Variants in KRTAP10-3 observed in about 807,000 individuals in gnomAD.
KRTAP10-3 encodes the protein keratin associated protein 10-3, also known as keratin-associated protein 10-3.
For missense variants in KRTAP10-3, 341 were observed against 293.4 expected (o/e 1.16, Z -1.19); for synonymous variants, 151 against 126.2 (o/e 1.20, Z -1.32).
rs150777153 is a variant in KRTAP10-3 at position 44,557,916 on chromosome 21, A to C, written c.*134T>G. The C allele has an allele frequency of 3.8e-3, 4,092 of 1,083,454 alleles. 10 individuals carry two copies. Among genetic ancestry groups the C allele is most frequent in the Non-Finnish European group, 4.8e-3 (3,680 of 759,772 alleles). 67.1% of individuals were successfully genotyped at this position (1,083,454 alleles called of 1,614,324 possible). A position where few individuals can be genotyped will look rare whatever the true frequency, so the allele number is the denominator to read the frequency against. ...AGATGCATGCCTGGAGGGAATCGGC[A>C]TGAAAGCTCAGCATTGCTGGCTGGA... On this transcript the variant is annotated 3_prime_UTR_variant, in exon 1 of 1. Transcript: ENST00000391620.
At position 44,558,045 on chromosome 21, in the gene KRTAP10-3, G is replaced by A. The variant is rs199562970; in HGVS notation, c.*5C>T. On this transcript the variant is annotated 3_prime_UTR_variant, in exon 1 of 1. Transcript: ENST00000391620. ...GAACAACTCTGGAGAAACGGGACCT[G>A]CCCGTCAGCAGCTGGACTTCTGGCC... 1.5e-5 allele frequency: 24 copies of A among 1,598,170 alleles called. No individual in the cohort carries two copies. The East Asian group carries it at 4.9e-4, about 33-fold the overall frequency.
At position 44,558,432 on chromosome 21, in the gene KRTAP10-3, C is replaced by T. The variant is rs2053578703; in HGVS notation, c.284G>A (p.Cys95Tyr). ...CQPACCTSSP[C>Y]QQACCVPVCC... is the part of the protein sequence containing the mutation. ...GACAGGCACGCAGCAGGCCTGCTGG[C>T]AGGGGGAGGATGTGCAGCAAGCTGG... Residue 95 changes from cysteine (C) to tyrosine (Y), a missense_variant, in exon 1 of 1, where the codon TGC (cysteine) becomes TAC (tyrosine). Physicochemically the swap from Cys to Tyr is radical, Grantham distance 194. Coordinates refer to ENST00000391620, the MANE Select transcript of KRTAP10-3 (RefSeq NM_198696.3). 1 of 1,613,958 alleles carries T rather than the reference C, an allele frequency of 6.2e-7. No individual in the cohort carries two copies. Among genetic ancestry groups the T allele is most frequent in the African/African-American group, 1.3e-5 (1 of 74,914 alleles).
chr21:44,558,697 A>G lies in KRTAP10-3; in HGVS notation c.19T>C (p.Ser7Pro), dbSNP rs373513174. The G allele has an allele frequency of 5.7e-5, 92 of 1,606,750 alleles. No individual in the cohort carries two copies. The highest frequency in any genetic ancestry group is 7.7e-5 in the Non-Finnish European group (91 of 1,176,272). ...TCAGAGTAAGCGCTGGAGCAGACGG[A>G]CATGGTAGACGTGGCCATGCTGGGG... MATSTM[S>P]VCSSAYSDSW... Residue 7 changes from serine (S) to proline (P), a missense_variant, in exon 1 of 1, where the codon TCC becomes CCC. Physicochemically the swap from Ser to Pro is moderately conservative, Grantham distance 74. Transcript: ENST00000391620.
chr21:44,558,287 C>T lies in KRTAP10-3; in HGVS notation c.429G>A (p.Gln143=). The T allele has an allele frequency of 1.9e-6, 3 of 1,614,130 alleles. No homozygotes were observed. Among genetic ancestry groups the T allele is most frequent in the Non-Finnish European group, 2.5e-6 (3 of 1,180,002 alleles). ...AGCAGGAGGTGGTGCAGCAAGCCGG[C>T]TGGCGGCTAGACTGCTGGCAGCATG... ...SSSCCQQSSR[Q]PACCTTSCCR... Residue 143 remains glutamine, a synonymous_variant, in exon 1 of 1, where the codon CAG becomes CAA. Transcript: ENST00000391620.
chr21:44,557,831 T>C lies in KRTAP10-3; in HGVS notation c.*219A>G, dbSNP rs2053558575. On this transcript the variant is annotated 3_prime_UTR_variant, in exon 1 of 1. Coordinates refer to ENST00000391620, the MANE Select transcript of KRTAP10-3 (RefSeq NM_198696.3). ...CTTTATTTGTTGACAGACTGATCACTCACATGGGGCAGGACACAGTGACCA... is the reference window on the plus strand; with the variant it reads ...CTTTATTTGTTGACAGACTGATCACCCACATGGGGCAGGACACAGTGACCA... The C allele has an allele frequency of 1.6e-6, 1 of 609,686 alleles. No individual in the cohort carries two copies. The highest frequency in any genetic ancestry group is 2.8e-5 in the East Asian group (1 of 36,122). 37.8% of individuals were successfully genotyped at this position (609,686 alleles called of 1,614,324 possible). A position where few individuals can be genotyped will look rare whatever the true frequency, so the allele number is the denominator to read the frequency against.
At position 44,558,048 on chromosome 21, in the gene KRTAP10-3, C is replaced by T. The variant is rs587692007; in HGVS notation, c.*2G>A. On this transcript the variant is annotated 3_prime_UTR_variant, in exon 1 of 1. Coordinates refer to ENST00000391620, the MANE Select transcript of KRTAP10-3 (RefSeq NM_198696.3). ...CAACTCTGGAGAAACGGGACCTGCC[C>T]GTCAGCAGCTGGACTTCTGGCCTGA... 1.7e-5 allele frequency: 27 copies of T among 1,600,036 alleles called. No individual in the cohort carries two copies. Among genetic ancestry groups the T allele is most frequent in the African/African-American group, 1.5e-4 (11 of 74,892 alleles).
At position 44,558,231 on chromosome 21, in the gene KRTAP10-3, C is replaced by T; in HGVS notation, c.485G>A (p.Cys162Tyr). ...CRPSSSVSLL[C>Y]RPVCRSTCCV... ...GCAGGTGGACCTGCACACGGGGCGGCAGAGGAGGGACACGGAGGAGGAGGG... is the reference window on the plus strand; with the variant it reads ...GCAGGTGGACCTGCACACGGGGCGGTAGAGGAGGGACACGGAGGAGGAGGG... Residue 162 changes from cysteine to tyrosine, a missense_variant, in exon 1 of 1, where the codon TGC becomes TAC. By Grantham distance (194) the Cys-to-Tyr change is radical. Coordinates refer to ENST00000391620, the MANE Select transcript of KRTAP10-3 (RefSeq NM_198696.3). The T allele has an allele frequency of 6.2e-7, 1 of 1,613,194 alleles. No homozygotes were observed. The highest frequency in any genetic ancestry group is 1.1e-5 in the South Asian group (1 of 91,046).
In KRTAP10-3 at chr21:44,558,650, G is replaced by C. The variant is rs782713383; in HGVS notation, c.66C>G (p.Cys22Trp). The part of the protein sequence containing the change: ...AYSDSWQVDA[C>W]PESCCEPPCC... ...AGGGGGGCTCACAGCAGCTCTCTGG[G>C]CAGGCGTCCACCTGCCAGGAGTCAG... is the stretch of plus-strand genomic sequence containing the variant. Residue 22 changes from cysteine to tryptophan, a missense_variant, in exon 1 of 1, where the codon TGC becomes TGG. Cys to Trp is a radical substitution (Grantham distance 215). Coordinates refer to ENST00000391620, the MANE Select transcript of KRTAP10-3 (RefSeq NM_198696.3). 1.2e-6 allele frequency: 2 copies of C among 1,613,288 alleles called. No homozygotes were observed. The highest frequency in any genetic ancestry group is 2.2e-5 in the East Asian group (1 of 44,876).
At position 44,558,496 on chromosome 21, in the gene KRTAP10-3, A is replaced by AGCTGGTGCAGCCTGACTGGCAGGG. The variant is rs1192921310; in HGVS notation, c.196_219dup (p.Pro66_Ser73dup). The AGCTGGTGCAGCCTGACTGGCAGGG allele has an allele frequency of 1.9e-6, 3 of 1,613,754 alleles. No homozygotes were observed. The highest frequency in any genetic ancestry group is 1.3e-5 in the African/African-American group (1 of 74,890). Reference sequence around the variant, plus strand: ...TGCTGGCAGCACGAGGGCGTGCAGGAGCTGGTGCAGCCTGACTGGCAGGGG... The same window carrying AGCTGGTGCAGCCTGACTGGCAGGG: ...TGCTGGCAGCACGAGGGCGTGCAGGAGCTGGTGCAGCCTGACTGGCAGGGGCTGGTGCAGCCTGACTGGCAGGGG... On this transcript the variant is annotated inframe_insertion, in exon 1 of 1. Transcript: ENST00000391620.
At position 44,558,601 on chromosome 21, in the gene KRTAP10-3, G is replaced by C. The variant is rs2053583969; in HGVS notation, c.115C>G (p.Pro39Ala). 1 of 1,611,800 alleles carries C rather than the reference G, an allele frequency of 6.2e-7. No homozygotes were observed. Among genetic ancestry groups the C allele is most frequent in the South Asian group, 1.1e-5 (1 of 90,894 alleles). The change falls in exon 1 of 1, where the codon CCG becomes GCG. Residue 39 changes from proline to alanine, a missense_variant. Coordinates refer to ENST00000391620, the MANE Select transcript of KRTAP10-3 (RefSeq NM_198696.3). The stretch of plus-strand genomic sequence containing the variant: ...CAGACCAGGGTCAGGCAGGGGGCCG[G>C]GGCGCAGCAGCTGGTGGCGCAGCAG... ...PPCCATSCCA[P>A]APCLTLVCTP...
At position 44,558,147 on chromosome 21, in the gene KRTAP10-3, C is replaced by T. The variant is rs782784565; in HGVS notation, c.569G>A (p.Arg190His). 2.6e-5 allele frequency: 42 copies of T among 1,612,798 alleles called. No homozygotes were observed. The highest frequency in any genetic ancestry group is 1.8e-4 in the East Asian group (8 of 44,822). Residue 190 changes from arginine (R) to histidine (H), a missense_variant, in exon 1 of 1, where the codon CGC (arginine) becomes CAC (histidine). By Grantham distance (29) the Arg-to-His change is conservative (BLOSUM62 0). Coordinates refer to ENST00000391620, the MANE Select transcript of KRTAP10-3 (RefSeq NM_198696.3). Reference protein sequence around the residue: ...PASTCQPSCCRPASCVSLLCR... With the variant: ...PASTCQPSCCHPASCVSLLCR... ...GAGGAGGGACACGCAGGAGGCCGGG[C>T]GGCAGCAGCTGGGCTGGCAGGTGGA...
Position 44,558,180 on chromosome 21 carries a change from G to C in KRTAP10-3, c.536C>G (p.Ala179Gly). 1.3e-6 allele frequency: 2 copies of C among 1,546,492 alleles called. No homozygotes were observed. Among genetic ancestry groups the C allele is most frequent in the Admixed American group, 3.7e-5 (2 of 54,302 alleles). The change falls in exon 1 of 1, where the codon GCC becomes GGC. Residue 179 changes from alanine to glycine, a missense_variant. By Grantham distance (60) the Ala-to-Gly change is moderately conservative (BLOSUM62 0). Coordinates refer to ENST00000391620, the MANE Select transcript of KRTAP10-3 (RefSeq NM_198696.3). ...TCCVPIPSCC[A>G]PASTCQPSCC... is the part of the protein sequence containing the mutation. ...GCTGGGCTGGCAGGTGGAGGCAGGG[G>C]CACAGCAGGAGGGGATGGGCACACA...
At position 44,558,353 on chromosome 21, in the gene KRTAP10-3, C is replaced by T. The variant is rs375640907; in HGVS notation, c.363G>A (p.Lys121=). The T allele has an allele frequency of 1.2e-6, 2 of 1,612,712 alleles. No homozygotes were observed. The highest frequency in any genetic ancestry group is 1.1e-5 in the South Asian group (1 of 90,956). ...AGCAGACGGGCACACAGCAGATGGGCTTGCAGCAGACAGGCTTGCAGCAGA... is the reference window on the plus strand; with the variant it reads ...AGCAGACGGGCACACAGCAGATGGGTTTGCAGCAGACAGGCTTGCAGCAGA... ...VPVCCKPVCC[K]PICCVPVCSG... The change falls in exon 1 of 1, where the codon AAG becomes AAA. Residue 121 remains lysine, a synonymous_variant. Transcript: ENST00000391620.
In KRTAP10-3 at chr21:44,558,755, G is replaced by A. The variant is rs781980946; in HGVS notation, c.-40C>T. On this transcript the variant is annotated 5_prime_UTR_variant, in exon 1 of 1. Coordinates refer to ENST00000391620, the MANE Select transcript of KRTAP10-3 (RefSeq NM_198696.3). ...GAGGTGAGCTGGGGGAGACGTGAGT[G>A]AGTGAGTGTGGGAGTGAGTGAGGGA... The A allele has an allele frequency of 3.8e-6, 6 of 1,569,540 alleles. No individual in the cohort carries two copies. The Admixed American group carries it at 7.0e-5, about 18-fold the overall frequency.
At position 44,558,331 on chromosome 21, in the gene KRTAP10-3, A is replaced by C. The variant is rs1555920300; in HGVS notation, c.385T>G (p.Cys129Gly). ...CAGCATGAAGAGGAAGCCCCAGAGC[A>C]GACGGGCACACAGCAGATGGGCTTG... ...CCKPICCVPV[C>G]SGASSSCCQQ... The change falls in exon 1 of 1, where the codon TGC (cysteine) becomes GGC (glycine). Residue 129 changes from cysteine (C) to glycine (G), a missense_variant. Coordinates refer to ENST00000391620, the MANE Select transcript of KRTAP10-3 (RefSeq NM_198696.3). The C allele has an allele frequency of 6.2e-7, 1 of 1,613,502 alleles. No homozygotes were observed.
chr21:44,557,880 G>C lies in KRTAP10-3; in HGVS notation c.*170C>G. 1.3e-6 allele frequency: 1 copy of C among 772,942 alleles called. No homozygotes were observed. The highest frequency in any genetic ancestry group is 2.1e-6 in the Non-Finnish European group (1 of 485,344). 47.9% of individuals were successfully genotyped at this position (772,942 alleles called of 1,614,324 possible). Reference sequence around the variant, plus strand: ...CACCGGCTGGCCAGCATGGAGATGAGGGTGTGGGAGAGATGCATGCCTGGA... The same window carrying C: ...CACCGGCTGGCCAGCATGGAGATGACGGTGTGGGAGAGATGCATGCCTGGA... On this transcript the variant is annotated 3_prime_UTR_variant, in exon 1 of 1. Coordinates refer to ENST00000391620, the MANE Select transcript of KRTAP10-3 (RefSeq NM_198696.3).
Position 44,558,149 on chromosome 21 carries a change from G to A in KRTAP10-3, c.567C>T (p.Cys189=), listed in dbSNP as rs782435702. ...GGAGGGACACGCAGGAGGCCGGGCG[G>A]CAGCAGCTGGGCTGGCAGGTGGAGG... is the stretch of plus-strand genomic sequence containing the variant. ...APASTCQPSC[C]RPASCVSLLC... The change falls in exon 1 of 1, where the codon TGC becomes TGT. Residue 189 remains cysteine, a synonymous_variant. Transcript: ENST00000391620. 2.0e-5 allele frequency: 32 copies of A among 1,613,224 alleles called. No homozygotes were observed. Among genetic ancestry groups the A allele is most frequent in the Admixed American group, 1.3e-4 (8 of 59,894 alleles).
In KRTAP10-3 at chr21:44,557,837, G is replaced by C; in HGVS notation, c.*213C>G. 1.6e-6 allele frequency: 1 copy of C among 617,846 alleles called. No homozygotes were observed. The allele number at this position is 617,846 out of a possible 1,614,324, so 38.3% of individuals were successfully genotyped here. ...TTGTTGACAGACTGATCACTCACATGGGGCAGGACACAGTGACCACCGGCT... is the reference window on the plus strand; with the variant it reads ...TTGTTGACAGACTGATCACTCACATCGGGCAGGACACAGTGACCACCGGCT... On this transcript the variant is annotated 3_prime_UTR_variant, in exon 1 of 1. Transcript: ENST00000391620.
In KRTAP10-3 at chr21:44,558,766, G is replaced by T; in HGVS notation, c.-51C>A. Reference sequence around the variant, plus strand: ...GGGGAGACGTGAGTGAGTGAGTGTGGGAGTGAGTGAGGGAGTGAGTGAGTG... The same window carrying T: ...GGGGAGACGTGAGTGAGTGAGTGTGTGAGTGAGTGAGGGAGTGAGTGAGTG... On this transcript the variant is annotated 5_prime_UTR_variant, in exon 1 of 1. Coordinates refer to ENST00000391620, the MANE Select transcript of KRTAP10-3 (RefSeq NM_198696.3). 6.4e-7 allele frequency: 1 copy of T among 1,559,690 alleles called. No individual in the cohort carries two copies. Among genetic ancestry groups the T allele is most frequent in the Non-Finnish European group, 8.7e-7 (1 of 1,151,432 alleles).
Sources: gnomAD v4.1 joint callset for allele counts on GRCh38, gnomAD v4.1.1 for gene constraint, MANE v1.5 for transcripts, NCBI Gene and HGNC (gene_info 2026-07-23, HGNC 2026-07-21) for gene names.